The following KIN variants were observed in gnomAD, a reference collection of about 807,000 sequenced individuals.
The protein encoded by KIN is DNA/RNA-binding protein KIN17.
KIN carries 47 observed loss-of-function variants against 63.0 expected under a neutral mutation model. The observed-to-expected ratio is 0.75, with a 90% CI of 0.59 to 0.95. The LOEUF (loss-of-function observed/expected upper bound fraction) is 0.95, where lower values mean the gene tolerates loss of function less well. Among genes scored for constraint, KIN ranks in the 40% least tolerant of loss-of-function variants. The pLI is 0.00. For synonymous variants in KIN, 160 were observed against 157.7 expected (o/e 1.01, Z -0.11); for missense variants, 408 against 460.9 (o/e 0.89, Z 1.05).
At chr10:7,757,404 C>T (rs1347771106) in intron 12 of KIN, among the ~76,000 whole-genome samples, 1 of 151,946 alleles carries the variant, frequency 6.6e-6, no homozygotes, top group Admixed American at 6.6e-5. Context: ...GAGGCTGGAG[C>T]AGAAGAATTT....
Position 7,763,745 on chromosome 10 carries a change from T to G in KIN, c.896A>C (p.His299Pro), listed in dbSNP as rs142416948. The change falls in exon 10 of 13, where the codon CAT becomes CCT. Residue 299 changes from histidine (H) to proline (P), a missense_variant. By Grantham distance (77) the His-to-Pro change is moderately conservative (BLOSUM62 -2). Transcript: ENST00000379562. Reference sequence around the variant, plus strand: ...TACCTTAACAATAGCCTTTTTCTTATGATATTTCTCTCCCAGTTTCTTGGT... The same window carrying G: ...TACCTTAACAATAGCCTTTTTCTTAGGATATTTCTCTCCCAGTTTCTTGGT... ...IITKKLGEKY[H>P]KKKAIVKEVI... 6 of 1,484,286 alleles carry G rather than the reference T, an allele frequency of 4.0e-6. No individual in the cohort carries two copies. Among genetic ancestry groups the G allele is most frequent in the Non-Finnish European group, 5.6e-6 (6 of 1,075,822 alleles). The allele number at this position is 1,484,286 out of a possible 1,614,324, so 91.9% of individuals were successfully genotyped here.
intron 5 of KIN, among the ~76,000 whole-genome samples, chr10:7,777,053 CAAAAAA>C (rs60757813): frequency 1.9e-4 from 15 of 80,732 alleles, no homozygotes; most frequent in Admixed American, 3.0e-4. Flanking sequence ...GACAGTCTCT[CAAAAAA>C]AAAAAAAAAA....
chr10:7,782,319 C>G (rs561514713), intron 2 of KIN, among the ~76,000 whole-genome samples: 3 of 151,808 alleles, frequency 2.0e-5, no homozygotes, highest in African/African-American at 7.2e-5. Context: ...TCTAAGCACT[C>G]ATAAAGTGTT....
In KIN at chr10:7,762,493, CAA is replaced by C. The variant is rs1468703154; in HGVS notation, c.980_981del (p.Leu327ArgfsTer27). On this transcript the variant is annotated frameshift_variant, in exon 11 of 13. Coordinates refer to ENST00000379562, the MANE Select transcript of KIN (RefSeq NM_012311.4). LOFTEE classifies it high-confidence loss of function. ...KMIDSGDKLK[L>X]DQTHLETVIP... is the part of the protein sequence containing the mutation. ...ATTACTGTCTCTAAATGAGTCTGGTCAAGTTTCAGCTTGTCTCCAGAATCAAT... is the reference window on the plus strand; with the variant it reads ...ATTACTGTCTCTAAATGAGTCTGGTCGTTTCAGCTTGTCTCCAGAATCAAT... 3 of 1,611,960 alleles carry C rather than the reference CAA, an allele frequency of 1.9e-6. No homozygotes were observed. Among genetic ancestry groups the C allele is most frequent in the Non-Finnish European group, 2.5e-6 (3 of 1,178,628 alleles).
At chr10:7,782,001 C>T (rs1178632007) in intron 2 of KIN, among the ~76,000 whole-genome samples, 13 of 151,696 alleles carry the variant, frequency 8.6e-5, no homozygotes, top group African/African-American at 2.4e-4. Context: ...GAGGTTGCAG[C>T]GAGCCAAGAT....
chr10:7,772,363 T>C (rs548882684), intron 7 of KIN, among the ~76,000 whole-genome samples: 70 of 152,168 alleles, frequency 4.6e-4, no homozygotes, highest in African/African-American at 1.6e-3. Context: ...AGAATGAAAA[T>C]GGAAAGTAAG....
In KIN at chr10:7,754,660, GAT is replaced by G. The variant is rs1229379324; in HGVS notation, c.*1418_*1419del. On this transcript the variant is annotated 3_prime_UTR_variant, in exon 13 of 13. Transcript: ENST00000379562. ...AAAAAAAAAAAAAAGAAAAAGAAAA[GAT>G]AGATCATCTCTCTCTTCCCGGTGCT... The G allele has an allele frequency of 6.6e-6, 1 of 151,296 alleles. No individual in the cohort carries two copies. The highest frequency in any genetic ancestry group is 1.9e-4 in the East Asian group (1 of 5,140). The allele number at this position is 151,296 out of a possible 1,614,324, so 9.4% of individuals were successfully genotyped here.
At chr10:7,760,587 G>C (rs1835418894) in intron 11 of KIN, among the ~76,000 whole-genome samples, 1 of 151,992 alleles carries the variant, frequency 6.6e-6, no homozygotes, top group South Asian at 2.1e-4. Flanking sequence ...CAGTCAGCGT[G>C]GTCCAAAAAT....
At chr10:7,767,386 G>A (rs989986840) in intron 8 of KIN, among the ~76,000 whole-genome samples, 17 of 152,156 alleles carry the variant, frequency 1.1e-4, no homozygotes, top group Admixed American at 3.9e-4. Flanking sequence ...CAGCTCTGAC[G>A]TTAGAATGAA....
In KIN at chr10:7,767,815, C is replaced by T. The variant is rs1166091064; in HGVS notation, c.798+1401G>A. ...TAGATGGTGCAGGGAGCTGGGATTGCACCACTGCACTCCAGCCTGAGTGAC... is the reference window on the plus strand; with the variant it reads ...TAGATGGTGCAGGGAGCTGGGATTGTACCACTGCACTCCAGCCTGAGTGAC... On this transcript the variant is annotated intron_variant, in intron 8 of 12. Coordinates refer to ENST00000379562, the MANE Select transcript of KIN (RefSeq NM_012311.4). Among the ~76,000 whole-genome samples the T allele has an allele frequency of 2.7e-5, 4 of 146,614 alleles. 1 individual carries two copies. The highest frequency in any genetic ancestry group is 5.1e-5 in the African/African-American group (2 of 39,048).
chr10:7,769,577 C>T (rs1835625564), intron 7 of KIN, among the ~76,000 whole-genome samples: 1 of 152,162 alleles, frequency 6.6e-6, no homozygotes, highest in African/African-American at 2.4e-5. Flanking sequence ...GAGCATTTAA[C>T]CCATGCTGTC....
At chr10:7,762,413 C>G in intron 11 of KIN, 44 bp downstream of exon 11, 1 of 1,098,912 alleles carries the variant, frequency 9.1e-7, no homozygotes, top group East Asian at 2.5e-5. Flanking sequence ...TGGAACCGCT[C>G]ATTTTGATGG....
intron 10 of KIN, among the ~76,000 whole-genome samples, chr10:7,763,317 A>G (rs1835473771): frequency 6.6e-6 from 1 of 152,214 alleles, no homozygotes; most frequent in South Asian, 2.1e-4. Flanking sequence ...CTCAAGCAAA[A>G]CACAAGAAGT....
At chr10:7,783,048 C>A in intron 2 of KIN, 33 bp downstream of exon 2, 3 of 1,124,952 alleles carry the variant, frequency 2.7e-6, no homozygotes, top group Admixed American at 2.1e-5. Flanking sequence ...CTGAATAAAG[C>A]CTATAAGATA....
intron 2 of KIN, among the ~76,000 whole-genome samples, chr10:7,781,170 G>A (rs1206316906): frequency 6.6e-6 from 1 of 152,194 alleles, no homozygotes; most frequent in Admixed American, 6.5e-5. Flanking sequence ...GAGATGCCCA[G>A]AGGTGATTTC....
intron 8 of KIN, among the ~76,000 whole-genome samples, chr10:7,767,322 T>A (rs973629339): frequency 6.6e-6 from 1 of 152,054 alleles, no homozygotes; most frequent in African/African-American, 2.4e-5. Context: ...GGCGCTACCC[T>A]CATACCTCCT....
Position 7,752,472 on chromosome 10 carries a change from G to A in KIN, c.*3608C>T, listed in dbSNP as rs538495997. On this transcript the variant is annotated 3_prime_UTR_variant, in exon 13 of 13. Coordinates refer to ENST00000379562, the MANE Select transcript of KIN (RefSeq NM_012311.4). The stretch of plus-strand genomic sequence containing the variant: ...CAGCAGGAACTCTCATTCACTGCTC[G>A]TTTGAATACAAAATGGTACAGTCAC... 8.5e-5 allele frequency: 13 copies of A among 152,308 alleles called. No individual in the cohort carries two copies. The highest frequency in any genetic ancestry group is 6.2e-4 in the South Asian group (3 of 4,830). The allele number at this position is 152,308 out of a possible 1,614,324, so 9.4% of individuals were successfully genotyped here.
At chr10:7,768,651 C>G (rs970148328) in intron 8 of KIN, among the ~76,000 whole-genome samples, 2 of 152,152 alleles carry the variant, frequency 1.3e-5, no homozygotes, top group African/African-American at 4.8e-5. Flanking sequence ...ATGAAGGACT[C>G]CAATTTCTAA....
At chr10:7,786,174 AAC>A (rs1836000716) in intron 1 of KIN, among the ~76,000 whole-genome samples, 1 of 152,182 alleles carries the variant, frequency 6.6e-6, no homozygotes, top group African/African-American at 2.4e-5. Context: ...CCAAACCTAT[AAC>A]AGTCTATTGC....
Sources: gnomAD v4.1 joint callset for allele counts (sites outside exome capture counted in the v4.1 genomes callset) on GRCh38, gnomAD v4.1.1 for gene constraint, MANE v1.5 for transcripts, NCBI Gene and HGNC (gene_info 2026-07-23, HGNC 2026-07-21) for gene names.